Variants in TSKS observed in about 807,000 individuals in gnomAD.
TSKS encodes the protein testis-specific serine kinase substrate.
In TSKS, 27 loss-of-function variants were observed where a neutral mutation model predicts 68.0. The ratio of observed to expected loss-of-function variants is 0.40; its 90% CI spans 0.29 to 0.55. TSKS has a LOEUF of 0.55. Ranked by LOEUF, TSKS falls within the 20% of genes least tolerant of loss-of-function variation. The pLI is 0.53. For synonymous variants in TSKS, 331 were observed against 340.4 expected (o/e 0.97, Z 0.30); for missense variants, 806 against 776.0 (o/e 1.04, Z -0.46).
chr19:49,741,753 C>A, intron 9 of TSKS, 132 bp downstream of exon 9: 4 of 1,262,494 alleles, frequency 3.2e-6, no homozygotes, highest in Non-Finnish European at 4.5e-6. Flanking sequence ...AGTCCTCCCC[C>A]AGTGCCTGCT....
In TSKS at chr19:49,761,994, G is replaced by A. The variant is rs1370642780; in HGVS notation, c.399+10C>T. On this transcript the variant is annotated intron_variant, in intron 2 of 10. Coordinates refer to ENST00000246801, the MANE Select transcript of TSKS (RefSeq NM_021733.2). ...GGTCCTCCCCAGCGGGTGGTGTGGA[G>A]GGCCCTCACCAGGATTTCCGTGATG... 10 of 1,603,382 alleles carry A rather than the reference G, an allele frequency of 6.2e-6. No individual in the cohort carries two copies. Among genetic ancestry groups the A allele is most frequent in the South Asian group, 1.1e-5 (1 of 90,692 alleles).
chr19:49,751,301 C>CAAAAA (rs55750605), intron 2 of TSKS, among the ~76,000 whole-genome samples: 10 of 35,076 alleles, frequency 2.9e-4, no homozygotes, highest in Middle Eastern at 0.017. Context: ...GATTCCATCT[C>CAAAAA]AAAAAAAAAA....
At chr19:49,760,653 C>T (rs961400057) in intron 2 of TSKS, among the ~76,000 whole-genome samples, 2 of 151,202 alleles carry the variant, frequency 1.3e-5, no homozygotes, top group Admixed American at 1.3e-4. Flanking sequence ...TTTTAATCAG[C>T]CAGGTGTGTG....
At chr19:49,740,317 T>G (rs1436985846) in intron 9 of TSKS, 134 bp from the exon 10 acceptor site, 3 of 1,134,292 alleles carry the variant, frequency 2.6e-6, no homozygotes, top group Non-Finnish European at 3.6e-6. Context: ...CATCATGCCT[T>G]GAGCTTGAGA....
chr19:49,752,643 T>A lies in TSKS; in HGVS notation c.400-4174A>T, dbSNP rs540603883. Among the ~76,000 whole-genome samples the A allele has an allele frequency of 6.1e-4, 93 of 152,144 alleles. No individual in the cohort carries two copies. The South Asian group carries it at 0.018, about 30-fold the overall frequency. ...GGGAACATTTGTAAAGAAAAAAAAA[T>A]TTTACGCTTGTTTTAATGTTGCTAC... On this transcript the variant is annotated intron_variant, in intron 2 of 10. Transcript: ENST00000246801.
In TSKS at chr19:49,745,675, C is replaced by A. The variant is rs557516034; in HGVS notation, c.993-279G>T. Among the ~76,000 whole-genome samples, 29 of 151,998 alleles carry A rather than the reference C, an allele frequency of 1.9e-4. No individual in the cohort carries two copies. In the South Asian group the frequency reaches 5.6e-3, roughly 29 times the overall value. ...CTACCTGGGCTCCTCCAGACACTGG[C>A]CCCCCAAGGCACTGCCCACCCTACT... On this transcript the variant is annotated intron_variant, in intron 6 of 10. Transcript: ENST00000246801.
At chr19:49,760,751 C>A (rs554663671) in intron 2 of TSKS, among the ~76,000 whole-genome samples, 6 of 152,084 alleles carry the variant, frequency 3.9e-5, no homozygotes, top group African/African-American at 1.4e-4. Context: ...GATTGTGCCA[C>A]TGCACTCCAG....
At chr19:49,753,584 A>AT (rs1555789519) in intron 2 of TSKS, among the ~76,000 whole-genome samples, 2 of 146,968 alleles carry the variant, frequency 1.4e-5, no homozygotes, top group South Asian at 4.3e-4. Flanking sequence ...AATAATAATA[A>AT]TAATAATAAT....
intron 7 of TSKS, among the ~76,000 whole-genome samples, chr19:49,744,720 AC>A (rs2058295537): frequency 6.6e-6 from 1 of 151,964 alleles, no homozygotes; most frequent in Admixed American, 6.6e-5. Context: ...AGTGGCTAGG[AC>A]TACCAGGGTG....
In TSKS at chr19:49,747,511, T is replaced by G. The variant is rs781132032; in HGVS notation, c.580-39A>C. The G allele has an allele frequency of 3.1e-6, 5 of 1,605,992 alleles. 1 individual carries two copies. In the South Asian group the frequency reaches 5.5e-5, roughly 18 times the overall value. On this transcript the variant is annotated intron_variant, in intron 4 of 10. Transcript: ENST00000246801. ...CAGGGCGAGGGCCCTGCCTTCCCAT[T>G]CCAGTTCTGCCTCCCAACCCTTAGC... is the stretch of plus-strand genomic sequence containing the variant.
chr19:49,749,674 G>A (rs2084332973), intron 2 of TSKS, among the ~76,000 whole-genome samples: 1 of 152,134 alleles, frequency 6.6e-6, no homozygotes, highest in Admixed American at 6.6e-5. Flanking sequence ...GGCTGGTGTG[G>A]AGCGGTACTA....
chr19:49,762,285 G>T, intron 1 of TSKS, 53 bp from the exon 2 acceptor site: 1 of 1,423,378 alleles, frequency 7.0e-7, no homozygotes, highest in Non-Finnish European at 9.7e-7. Flanking sequence ...GGGTGTCTGG[G>T]CCCTCCTGCC....
At chr19:49,740,885 CA>C (rs534874558) in intron 9 of TSKS, among the ~76,000 whole-genome samples, 3,398 of 123,628 alleles carry the variant, frequency 0.027, 54 homozygotes, top group Middle Eastern at 0.1. Flanking sequence ...ACTCTGTCTC[CA>C]AAAAAAAAAA....
chr19:49,758,212 T>A (rs904230610), intron 2 of TSKS, among the ~76,000 whole-genome samples: 2 of 152,090 alleles, frequency 1.3e-5, no homozygotes, highest in Admixed American at 1.3e-4. Flanking sequence ...TCTCCCTCTC[T>A]CTCTGGGTCT....
chr19:49,746,500 T>A lies in TSKS; in HGVS notation c.962A>T (p.Gln321Leu). The change falls in exon 6 of 11, where the codon CAG (glutamine) becomes CTG (leucine). Residue 321 changes from glutamine (Q) to leucine (L), a missense_variant. Gln to Leu is a moderately radical substitution (Grantham distance 113). Coordinates refer to ENST00000246801, the MANE Select transcript of TSKS (RefSeq NM_021733.2). ...CTCTTCGATGCCGGTGAACAGCTTC[T>A]GCAATTCCTGCTCGCTCACGTAGGG... Reference protein sequence around the residue: ...EGPYVSEQELQKLFTGIEELR... With the variant: ...EGPYVSEQELLKLFTGIEELR... 1.2e-6 allele frequency: 2 copies of A among 1,613,938 alleles called. No individual in the cohort carries two copies. The highest frequency in any genetic ancestry group is 1.7e-6 in the Non-Finnish European group (2 of 1,179,944).
intron 2 of TSKS, among the ~76,000 whole-genome samples, chr19:49,751,140 C>T (rs181182124): frequency 9.4e-4 from 142 of 151,794 alleles, no homozygotes; most frequent in South Asian, 3.8e-3. Context: ...CCCGTCTCTA[C>T]TAAAAATACA....
rs2084240160 is a variant in TSKS at position 49,740,159 on chromosome 19, T to A, written c.1522A>T (p.Lys508Ter). 6.2e-7 allele frequency: 1 copy of A among 1,613,612 alleles called. No homozygotes were observed. The highest frequency in any genetic ancestry group is 1.3e-5 in the African/African-American group (1 of 74,936). ...CTCAGGGCCTCTGCCCTGACGTGTTTGGCTAAGGCCTGGCGCTCCAGCTCC... is the reference window on the plus strand; with the variant it reads ...CTCAGGGCCTCTGCCCTGACGTGTTAGGCTAAGGCCTGGCGCTCCAGCTCC... ...ILELERQALA[K>*]HVRAEALSST... Residue 508 changes from lysine (K) to a stop codon, truncating the protein, a stop_gained, in exon 10 of 11, where the codon AAA (lysine) becomes TAA (stop). Transcript: ENST00000246801. LOFTEE classifies it high-confidence loss of function.
intron 7 of TSKS, 54 bp downstream of exon 7, chr19:49,745,148 G>A (rs758985851): frequency 8.0e-5 from 118 of 1,481,760 alleles, no homozygotes; most frequent in Non-Finnish European, 1.0e-4. Flanking sequence ...CCGCCCTCAG[G>A]TTGGGATTGC....
chr19:49,758,512 C>G (rs1025528703), intron 2 of TSKS, among the ~76,000 whole-genome samples: 25 of 152,178 alleles, frequency 1.6e-4, no homozygotes, highest in African/African-American at 5.6e-4. Flanking sequence ...TGGTGGGAGG[C>G]AAACGGCTGC....
Sources: allele counts gnomAD v4.1 joint callset (sites outside exome capture counted in the v4.1 genomes callset), GRCh38; gene constraint gnomAD v4.1.1; transcripts MANE v1.5; gene names NCBI Gene and HGNC (gene_info 2026-07-23, HGNC 2026-07-21).